The following ARHGAP24 variants were observed in gnomAD, a reference collection of about 807,000 sequenced individuals.
ARHGAP24 encodes rho GTPase-activating protein 24.
A neutral mutation model predicts 76.4 loss-of-function variants in ARHGAP24; 50 were observed. The observed-to-expected ratio is 0.65, with a 90% CI of 0.52 to 0.83. The LOEUF (loss-of-function observed/expected upper bound fraction) is 0.83, where lower values mean the gene tolerates loss of function less well. ARHGAP24 is among the 40% of genes least tolerant of loss of function. The pLI is 0.00. For missense variants in ARHGAP24, 930 were observed against 914.2 expected (o/e 1.02, Z -0.22); for synonymous variants, 345 against 323.3 (o/e 1.07, Z -0.72).
intron 1 of ARHGAP24, among the ~76,000 whole-genome samples, chr4:85,539,147 T>C (rs1249194580): frequency 6.6e-6 from 1 of 152,176 alleles, no homozygotes; most frequent in Non-Finnish European, 1.5e-5. Flanking sequence ...CCAAAACGAT[T>C]TGGTTTATCT....
At chr4:85,694,158 G>A (rs1477975928) in intron 2 of ARHGAP24, among the ~76,000 whole-genome samples, 2 of 151,744 alleles carry the variant, frequency 1.3e-5, no homozygotes, top group African/African-American at 4.8e-5. Context: ...AAATTATGTT[G>A]TTTACTCAAA....
chr4:85,821,268 T>G (rs757680601), intron 3 of ARHGAP24, among the ~76,000 whole-genome samples: 2 of 152,238 alleles, frequency 1.3e-5, no homozygotes, highest in Non-Finnish European at 2.9e-5. Flanking sequence ...GTTTTCATAG[T>G]AAATTCCTAA....
intron 2 of ARHGAP24, among the ~76,000 whole-genome samples, chr4:85,696,380 A>C (rs1204935692): frequency 2.0e-5 from 3 of 152,150 alleles, no homozygotes; most frequent in Non-Finnish European, 4.4e-5. Flanking sequence ...TCTAACATTC[A>C]GATTGGTAAC....
At chr4:85,593,535 C>T (rs567564615) in intron 2 of ARHGAP24, among the ~76,000 whole-genome samples, 9 of 152,230 alleles carry the variant, frequency 5.9e-5, no homozygotes, top group African/African-American at 2.2e-4. Context: ...TTTGCCCAGT[C>T]CAATGTCCTG....
intron 3 of ARHGAP24, among the ~76,000 whole-genome samples, chr4:85,869,808 G>A (rs766412653): frequency 3.3e-5 from 5 of 152,132 alleles, no homozygotes; most frequent in African/African-American, 4.8e-5. Context: ...ACAGGAAATT[G>A]CGTTAAAGTT....
intron 3 of ARHGAP24, among the ~76,000 whole-genome samples, chr4:85,890,621 A>C (rs1733833272): frequency 6.6e-6 from 1 of 152,138 alleles, no homozygotes; most frequent in Non-Finnish European, 1.5e-5. Context: ...TGCAGGAGGG[A>C]ACGTGGAAGT....
intron 5 of ARHGAP24, among the ~76,000 whole-genome samples, chr4:85,944,030 A>G (rs1275158013): frequency 6.6e-6 from 1 of 152,160 alleles, no homozygotes; most frequent in Non-Finnish European, 1.5e-5. Context: ...TTGAGGAATC[A>G]CCACGCAGTC....
intron 3 of ARHGAP24, among the ~76,000 whole-genome samples, chr4:85,772,365 G>A (rs1405237147): frequency 6.6e-6 from 1 of 152,144 alleles, no homozygotes; most frequent in Non-Finnish European, 1.5e-5. Context: ...TCCACAGGGG[G>A]TATAAAATAT....
intron 3 of ARHGAP24, among the ~76,000 whole-genome samples, chr4:85,800,917 A>T (rs1195433954): frequency 6.6e-6 from 1 of 152,354 alleles, no homozygotes; most frequent in African/African-American, 2.4e-5. Flanking sequence ...GGAGAAAAAG[A>T]TCATTCATAT....
At chr4:85,537,191 A>G (rs1725500860) in intron 1 of ARHGAP24, among the ~76,000 whole-genome samples, 1 of 152,074 alleles carries the variant, frequency 6.6e-6, no homozygotes, top group African/African-American at 2.4e-5. Context: ...TTTATATTCA[A>G]TTCTGGGCTG....
At chr4:85,812,888 C>T (rs1221613433) in intron 3 of ARHGAP24, among the ~76,000 whole-genome samples, 1 of 152,180 alleles carries the variant, frequency 6.6e-6, no homozygotes, top group Non-Finnish European at 1.5e-5. Flanking sequence ...GGTCACCTGC[C>T]TCAATTACAC....
intron 2 of ARHGAP24, among the ~76,000 whole-genome samples, chr4:85,681,600 G>T (rs1334223955): frequency 6.6e-6 from 1 of 152,164 alleles, no homozygotes; most frequent in Non-Finnish European, 1.5e-5. Flanking sequence ...GAGAGTACCC[G>T]AGTTTTCTAG....
At chr4:85,806,218 C>T (rs1385659057) in intron 3 of ARHGAP24, among the ~76,000 whole-genome samples, 4 of 152,058 alleles carry the variant, frequency 2.6e-5, no homozygotes, top group Non-Finnish European at 5.9e-5. Flanking sequence ...AGTTGCAAGT[C>T]GTTAAGTCTT....
chr4:85,570,794 T>C lies in ARHGAP24; in HGVS notation c.180+73T>C, dbSNP rs140867012. On this transcript the variant is annotated intron_variant, in intron 2 of 9. Coordinates refer to ENST00000395184, the MANE Select transcript of ARHGAP24 (RefSeq NM_001025616.3). ...AATAGAGGGATTTGCTAGAAACCGATTGGGACTGAGACCACCCAAAGCTCC... is the reference window on the plus strand; with the variant it reads ...AATAGAGGGATTTGCTAGAAACCGACTGGGACTGAGACCACCCAAAGCTCC... 347 of 1,552,276 alleles carry C rather than the reference T, an allele frequency of 2.2e-4. 2 individuals carry two copies. In the African/African-American group the frequency reaches 4.2e-3, roughly 19 times the overall value.
intron 1 of ARHGAP24, among the ~76,000 whole-genome samples, chr4:85,550,494 G>A (rs1363136727): frequency 6.6e-6 from 1 of 152,016 alleles, no homozygotes; most frequent in Admixed American, 6.5e-5. Context: ...CTCCAGCTTT[G>A]TTCTTTTTGC....
At chr4:85,556,849 C>T (rs1174663286) in intron 1 of ARHGAP24, among the ~76,000 whole-genome samples, 2 of 152,178 alleles carry the variant, frequency 1.3e-5, no homozygotes, top group African/African-American at 4.8e-5. Flanking sequence ...CCTCTAGGAG[C>T]TCTATCCCAG....
At chr4:85,861,092 C>G (rs1731873424) in intron 3 of ARHGAP24, among the ~76,000 whole-genome samples, 1 of 151,680 alleles carries the variant, frequency 6.6e-6, no homozygotes, top group Non-Finnish European at 1.5e-5. Flanking sequence ...CATGGTAAAA[C>G]CAGGACACAA....
At chr4:85,990,148 C>CT (rs1403411937) in intron 8 of ARHGAP24, 1 of 151,588 alleles carries the variant, frequency 6.6e-6, no homozygotes, top group African/African-American at 2.4e-5. Flanking sequence ...TTTCTACATA[C>CT]TACATTGGAC....
chr4:85,877,680 T>C (rs1387123660), intron 3 of ARHGAP24, among the ~76,000 whole-genome samples: 1 of 65,936 alleles, frequency 1.5e-5, no homozygotes, highest in Non-Finnish European at 3.2e-5. Context: ...ATATCTAAAA[T>C]ACAGTGAATT....
Sources: gnomAD v4.1 joint callset for allele counts (sites outside exome capture counted in the v4.1 genomes callset) on GRCh38, gnomAD v4.1.1 for gene constraint, MANE v1.5 for transcripts, NCBI Gene and HGNC (gene_info 2026-07-23, HGNC 2026-07-21) for gene names.